The following KCNIP3 variants were observed in gnomAD, a reference collection of about 807,000 sequenced individuals.
KCNIP3 encodes the protein calsenilin.
Under a neutral mutation model 35.0 loss-of-function variants are expected in KCNIP3, and 28 were observed. The observed-to-expected ratio is 0.80, with a 90% CI of 0.59 to 1.10. The LOEUF (loss-of-function observed/expected upper bound fraction) is 1.10, where lower values mean the gene tolerates loss of function less well. Among genes scored for constraint, KCNIP3 ranks in the 50% least tolerant of loss-of-function variants. KCNIP3 has a pLI of 0.00. For missense variants in KCNIP3, 295 were observed against 338.4 expected, an observed-to-expected ratio of 0.87 and a Z score of 1.01; for synonymous variants, 134 against 133.8, an observed-to-expected ratio of 1.00 and a Z score of -0.01.
intron 2 of KCNIP3, among the ~76,000 whole-genome samples, chr2:95,347,815 C>T (rs1459653077): frequency 6.6e-6 from 1 of 152,212 alleles, no homozygotes; most frequent in Non-Finnish European, 1.5e-5. Flanking sequence ...GCTAGCTCGT[C>T]CTGTTCTCGT....
At chr2:95,327,476 T>A (rs1678823209) in intron 2 of KCNIP3, among the ~76,000 whole-genome samples, 1 of 140,770 alleles carries the variant, frequency 7.1e-6, no homozygotes, top group South Asian at 2.3e-4. Context: ...ACACTCACAC[T>A]CTCTGTCACA....
intron 2 of KCNIP3, among the ~76,000 whole-genome samples, chr2:95,330,781 C>T (rs1482415088): frequency 3.3e-5 from 5 of 152,204 alleles, no homozygotes; most frequent in African/African-American, 7.2e-5. Flanking sequence ...ATTGTGAAGC[C>T]GTGGGTCTCC....
At chr2:95,383,517 C>T (rs927486033) in intron 8 of KCNIP3, among the ~76,000 whole-genome samples, 1 of 152,136 alleles carries the variant, frequency 6.6e-6, no homozygotes, top group Non-Finnish European at 1.5e-5. Flanking sequence ...ACAGCATCCC[C>T]CCACTACCCC....
At chr2:95,322,361 C>T (rs770851015) in intron 2 of KCNIP3, among the ~76,000 whole-genome samples, 31 of 151,702 alleles carry the variant, frequency 2.0e-4, no homozygotes, top group Non-Finnish European at 3.8e-4. Flanking sequence ...GATCCTGCCT[C>T]AAAGAAAAAA....
chr2:95,383,127 ACCC>A, intron 7 of KCNIP3, 102 bp from the exon 8 acceptor site: 7 of 247,694 alleles, frequency 2.8e-5, no homozygotes, highest in East Asian at 1.4e-4. Flanking sequence ...CCGCCCATCC[ACCC>A]ACCCGCCCAT....
At chr2:95,354,387 G>A (rs997483344) in intron 2 of KCNIP3, among the ~76,000 whole-genome samples, 5 of 152,230 alleles carry the variant, frequency 3.3e-5, no homozygotes, top group African/African-American at 1.2e-4. Flanking sequence ...TTTATGCCAG[G>A]CAGCACAGGT....
intron 2 of KCNIP3, among the ~76,000 whole-genome samples, chr2:95,356,909 T>C (rs986952607): frequency 3.3e-5 from 5 of 152,204 alleles, no homozygotes; most frequent in African/African-American, 1.2e-4. Context: ...GAAGGGAAGA[T>C]GCATGTGGCC....
In KCNIP3 at chr2:95,316,979, CA is replaced by C. The variant is rs1328455987; in HGVS notation, c.181+6460del. On this transcript the variant is annotated intron_variant, in intron 2 of 8. Coordinates refer to ENST00000295225, the MANE Select transcript of KCNIP3 (RefSeq NM_013434.5). ...TGGAGGGCAGGGGGTTGGTCAGCTCCAGTCATGAATTTGGCTCTCCCTTCTG... is the reference window on the plus strand; with the variant it reads ...TGGAGGGCAGGGGGTTGGTCAGCTCCGTCATGAATTTGGCTCTCCCTTCTG... 2.0e-5 allele frequency among the ~76,000 whole-genome samples: 3 copies of C among 152,228 alleles called. No homozygotes were observed. The East Asian group carries it at 5.8e-4, about 29-fold the overall frequency.
At chr2:95,302,722 C>T (rs1678069472) in intron 1 of KCNIP3, among the ~76,000 whole-genome samples, 2 of 152,154 alleles carry the variant, frequency 1.3e-5, no homozygotes, top group Admixed American at 1.3e-4. Flanking sequence ...AGCTGGGAAG[C>T]GAGGGTGCGG....
rs1248200908 is a variant in KCNIP3, at chr2:95,383,218, G to C, written c.661-14G>C. ...TGGGGCACAGACTCACTTTGGGCATGGCTTGGGTTGCAGAAAATGGACCGG... is the reference window on the plus strand; with the variant it reads ...TGGGGCACAGACTCACTTTGGGCATCGCTTGGGTTGCAGAAAATGGACCGG... On this transcript the variant is annotated splice_polypyrimidine_tract_variant and intron_variant, in intron 7 of 8. Coordinates refer to ENST00000295225, the MANE Select transcript of KCNIP3 (RefSeq NM_013434.5). 2 of 1,607,746 alleles carry C rather than the reference G, an allele frequency of 1.2e-6. No individual in the cohort carries two copies. Among genetic ancestry groups the C allele is most frequent in the South Asian group, 1.1e-5 (1 of 90,918 alleles).
intron 2 of KCNIP3, among the ~76,000 whole-genome samples, chr2:95,373,784 C>T (rs1680100269): frequency 6.6e-6 from 1 of 152,204 alleles, no homozygotes; most frequent in South Asian, 2.1e-4. Flanking sequence ...GGTTTAGCCT[C>T]CTAACCAGAT....
chr2:95,315,833 C>T (rs965589834), intron 2 of KCNIP3, among the ~76,000 whole-genome samples: 12 of 152,294 alleles, frequency 7.9e-5, no homozygotes, highest in African/African-American at 2.6e-4. Context: ...TCGCAGCCCC[C>T]GCAGGTACAG....
chr2:95,333,165 C>T (rs1031859346), intron 2 of KCNIP3, among the ~76,000 whole-genome samples: 3 of 152,158 alleles, frequency 2.0e-5, no homozygotes, highest in Non-Finnish European at 4.4e-5. Context: ...ACGAATGCTC[C>T]CTTGCTCTGA....
At chr2:95,303,181 G>C (rs1237503960) in intron 1 of KCNIP3, 2 of 152,298 alleles carry the variant, frequency 1.3e-5, no homozygotes, top group Non-Finnish European at 2.9e-5. Flanking sequence ...CATCTTCTCA[G>C]CCAGATGGGC....
chr2:95,323,831 C>T (rs1418860137), intron 2 of KCNIP3, among the ~76,000 whole-genome samples: 1 of 152,204 alleles, frequency 6.6e-6, no homozygotes, highest in Non-Finnish European at 1.5e-5. Flanking sequence ...GGCCTTGTCC[C>T]ATGTCATCCC....
chr2:95,384,708 AGCCTGAGTGGTGAGGG>A lies in KCNIP3; in HGVS notation c.*663_*678del, dbSNP rs1281484682. On this transcript the variant is annotated 3_prime_UTR_variant, in exon 9 of 9. Coordinates refer to ENST00000295225, the MANE Select transcript of KCNIP3 (RefSeq NM_013434.5). Reference sequence around the variant, plus strand: ...GTACCAGGCCACCCACTGTGGGGCAAGCCTGAGTGGTGAGGGGCCACTGGGCCCCATTCTCCCTCCA... The same window carrying A: ...GTACCAGGCCACCCACTGTGGGGCAAGCCACTGGGCCCCATTCTCCCTCCA... 2 of 152,402 alleles carry A rather than the reference AGCCTGAGTGGTGAGGG, an allele frequency of 1.3e-5. No individual in the cohort carries two copies. The highest frequency in any genetic ancestry group is 2.9e-5 in the Non-Finnish European group (2 of 68,200). 9.4% of individuals were successfully genotyped at this position (152,402 alleles called of 1,614,324 possible).
chr2:95,335,821 T>C (rs1679047133), intron 2 of KCNIP3, among the ~76,000 whole-genome samples: 1 of 152,238 alleles, frequency 6.6e-6, no homozygotes, highest in Non-Finnish European at 1.5e-5. Flanking sequence ...TATACATTTG[T>C]TAGACTTTTT....
At chr2:95,314,104 C>T (rs1406310252) in intron 2 of KCNIP3, among the ~76,000 whole-genome samples, 3 of 152,096 alleles carry the variant, frequency 2.0e-5, no homozygotes, top group Admixed American at 1.3e-4. Context: ...CCCCGGGGTG[C>T]CATGGCAACC....
chr2:95,312,927 C>T (rs1431583434), intron 2 of KCNIP3: 2 of 152,374 alleles, frequency 1.3e-5, no homozygotes, highest in African/African-American at 4.8e-5. Flanking sequence ...GTGTGTGTCC[C>T]GCAAGGAGGC....
Sources: allele counts gnomAD v4.1 joint callset (sites outside exome capture counted in the v4.1 genomes callset), GRCh38; gene constraint gnomAD v4.1.1; transcripts MANE v1.5; gene names NCBI Gene and HGNC (gene_info 2026-07-23, HGNC 2026-07-21).